Variants in DCHS1 observed in about 807,000 individuals in gnomAD.
DCHS1 encodes the protein protocadherin-16.
DCHS1 carries 78 observed loss-of-function variants against 213.9 expected under a neutral mutation model. The observed-to-expected ratio is 0.36, with a 90% CI of 0.30 to 0.44. The LOEUF (loss-of-function observed/expected upper bound fraction) is 0.44, where lower values mean the gene tolerates loss of function less well. DCHS1 is among the 20% of genes least tolerant of loss of function. The pLI, the probability that DCHS1 is intolerant of heterozygous loss-of-function variation, is 1.00. For synonymous variants in DCHS1, 1,828 were observed against 1,873.7 expected (o/e 0.98, Z 0.63); for missense variants, 3,946 against 4,395.9 (o/e 0.90, Z 2.89).
In DCHS1 at chr11:6,633,065, G is replaced by A. The variant is rs1297796396; in HGVS notation, c.2456-9C>T. On this transcript the variant is annotated splice_polypyrimidine_tract_variant and intron_variant, in intron 5 of 20. Transcript: ENST00000299441. ...CACAGGTGCCAAGCGACCTAGGGAG[G>A]ATGAAAAAGGGATCAGGAAAGAGAT... 6.3e-7 allele frequency: 1 copy of A among 1,580,444 alleles called. No individual in the cohort carries two copies. The highest frequency in any genetic ancestry group is 1.2e-5 in the South Asian group (1 of 86,160).
Position 6,641,340 on chromosome 11 carries a change from G to T in DCHS1, c.274C>A (p.Leu92Met), listed in dbSNP as rs1207716970. ...ACCCCACTGTGTTCGTCAATGGCCA[G>T]GTCTGTGCCCACGCCGCTGCCCTCT... is the stretch of plus-strand genomic sequence containing the variant. ...AQEGSGVGTD[L>M]AIDEHSGVVR... The change falls in exon 2 of 21, where the codon CTG (leucine) becomes ATG (methionine). Residue 92 changes from leucine to methionine, a missense_variant. Leu to Met is a conservative substitution (Grantham distance 15). This residue lies in a region of DCHS1 where 3,384 missense variants were observed against 3,780.1 expected (regional missense o/e 0.90). Coordinates refer to ENST00000299441, the MANE Select transcript of DCHS1 (RefSeq NM_003737.4). This position sits in a 1 kb window ranked among gnomAD's most constrained non-coding sequence, Gnocchi z 7.1. 1 of 1,613,650 alleles carries T rather than the reference G, an allele frequency of 6.2e-7. No homozygotes were observed. Among genetic ancestry groups the T allele is most frequent in the South Asian group, 1.1e-5 (1 of 91,088 alleles).
At chr11:6,653,393 C>T (rs1198654404) in intron 1 of DCHS1, among the ~76,000 whole-genome samples, 1 of 152,218 alleles carries the variant, frequency 6.6e-6, no homozygotes, top group African/African-American at 2.4e-5. Context: ...AACACTCACT[C>T]CACAGCCTGT....
chr11:6,641,640 G>C lies in DCHS1; in HGVS notation c.-27C>G. The C allele has an allele frequency of 6.6e-7, 1 of 1,514,888 alleles. No individual in the cohort carries two copies. Among genetic ancestry groups the C allele is most frequent in the Non-Finnish European group, 8.9e-7 (1 of 1,125,058 alleles). 93.8% of individuals were successfully genotyped at this position (1,514,888 alleles called of 1,614,324 possible). ...ACAAGGGTAGTCCAGCTGTGCCTTGGGCTCCAGCTCCAGGCCAGGCTCTGG... is the reference window on the plus strand; with the variant it reads ...ACAAGGGTAGTCCAGCTGTGCCTTGCGCTCCAGCTCCAGGCCAGGCTCTGG... On this transcript the variant is annotated 5_prime_UTR_variant, in exon 2 of 21. Transcript: ENST00000299441. This position sits in a 1 kb window ranked among gnomAD's most constrained non-coding sequence, Gnocchi z 7.1.
rs1085307456 is a variant in DCHS1 at position 6,624,195 on chromosome 11, T to A, written c.7481A>T (p.Asp2494Val). 2 of 1,613,336 alleles carry A rather than the reference T, an allele frequency of 1.2e-6. No homozygotes were observed. The highest frequency in any genetic ancestry group is 3.3e-5 in the Admixed American group (2 of 59,950). Reference sequence around the variant, plus strand: ...GAGCAGAGTGGAGCCAGGGGGCAGGTCTTCAGTCACAGCCACACGGTAGTG... The same window carrying A: ...GAGCAGAGTGGAGCCAGGGGGCAGGACTTCAGTCACAGCCACACGGTAGTG... Reference protein sequence around the residue: ...LSHYRVAVTEDLPPGSTLLTL... With the variant: ...LSHYRVAVTEVLPPGSTLLTL... Residue 2494 changes from aspartate to valine, a missense_variant, in exon 21 of 21, where the codon GAC becomes GTC. Asp to Val is a radical substitution (Grantham distance 152, BLOSUM62 -3). Around this residue, in one of 3 missense-constraint regions of DCHS1, gnomAD observed 3,384 missense variants for 3,780.1 expected, o/e 0.90. Coordinates refer to ENST00000299441, the MANE Select transcript of DCHS1 (RefSeq NM_003737.4).
At chr11:6,624,616 T>A in intron 20 of DCHS1, 114 bp downstream of exon 20, 4 of 1,496,502 alleles carry the variant, frequency 2.7e-6, no homozygotes, top group Non-Finnish European at 3.6e-6. Flanking sequence ...GGAAATGTCC[T>A]CCCTAGGCCA....
chr11:6,629,598 G>A (rs1367523666), intron 11 of DCHS1, 21 bp from the exon 12 acceptor site: 10 of 1,613,466 alleles, frequency 6.2e-6, no homozygotes, highest in Non-Finnish European at 8.5e-6. Flanking sequence ...GCAGCATGGA[G>A]GGCGATCAGA....
rs1036581185 is a variant in DCHS1 at position 6,632,289 on chromosome 11, C to G, written c.3223G>C (p.Val1075Leu). Residue 1075 changes from valine to leucine, a missense_variant, in exon 6 of 21, where the codon GTG becomes CTG. By Grantham distance (32) the Val-to-Leu change is conservative (BLOSUM62 1). Around this residue, in one of 3 missense-constraint regions of DCHS1, gnomAD observed 3,384 missense variants for 3,780.1 expected, o/e 0.90. Transcript: ENST00000299441. The surrounding 1 kb of genome is among the most constrained non-coding windows in gnomAD (Gnocchi z 5.9). ...QELYILKVMAVSGSKAELGQQ... is the reference protein window; with the variant it reads ...QELYILKVMALSGSKAELGQQ... Reference sequence around the variant, plus strand: ...CCCAACTCAGCTTTGGACCCAGACACTGCCATTACCTTCAGTATGTACAAT... The same window carrying G: ...CCCAACTCAGCTTTGGACCCAGACAGTGCCATTACCTTCAGTATGTACAAT... The G allele has an allele frequency of 6.8e-6, 11 of 1,613,832 alleles. No homozygotes were observed. In the South Asian group the frequency reaches 1.2e-4, roughly 18 times the overall value.
At position 6,631,632 on chromosome 11, in the gene DCHS1, C is replaced by T. The variant is rs766068704; in HGVS notation, c.3659G>A (p.Gly1220Glu). The change falls in exon 7 of 21, where the codon GGG becomes GAG. Residue 1220 changes from glycine to glutamate, a missense_variant. Physicochemically the swap from Gly to Glu is moderately conservative, Grantham distance 98. Transcript: ENST00000299441. ...TFLQASGAAG[G>E]GLPIQVPDRV... Reference sequence around the variant, plus strand: ...TTCACATACCTGTATAGGGAGGCCCCCACCAGCAGCTCCTGAAGCCTGCAG... The same window carrying T: ...TTCACATACCTGTATAGGGAGGCCCTCACCAGCAGCTCCTGAAGCCTGCAG... The T allele has an allele frequency of 6.3e-7, 1 of 1,580,240 alleles. No individual in the cohort carries two copies. Among genetic ancestry groups the T allele is most frequent in the Non-Finnish European group, 8.6e-7 (1 of 1,163,900 alleles).
chr11:6,623,186 G>C lies in DCHS1; in HGVS notation c.8490C>G (p.His2830Gln), dbSNP rs1855732109. ...FQVPEGARRG[H>Q]SLGHVQATDE... ...CTGTGGCCTGCACGTGACCCAAGCT[G>C]TGGCCACGCCGGGCACCTTCGGGCA... Residue 2830 changes from histidine to glutamine, a missense_variant, in exon 21 of 21, where the codon CAC becomes CAG. Transcript: ENST00000299441. The C allele has an allele frequency of 6.2e-7, 1 of 1,606,230 alleles. No individual in the cohort carries two copies.
rs1186115958 is a variant in DCHS1 at position 6,622,230 on chromosome 11, G to A, written c.9446C>T (p.Ala3149Val). Residue 3149 changes from alanine to valine, a missense_variant, in exon 21 of 21, where the codon GCC becomes GTC. Coordinates refer to ENST00000299441, the MANE Select transcript of DCHS1 (RefSeq NM_003737.4). This position sits in a 1 kb window ranked among gnomAD's most constrained non-coding sequence, Gnocchi z 5.4. ...GAGCTCCTCCTCGCCGGCCACAATGGCTGTCAGCGCACCTGCCACACATGG... is the reference window on the plus strand; with the variant it reads ...GAGCTCCTCCTCGCCGGCCACAATGACTGTCAGCGCACCTGCCACACATGG... ...GKPCVAGALT[A>V]IVAGEEELRG... 6.2e-7 allele frequency: 1 copy of A among 1,601,028 alleles called. No individual in the cohort carries two copies. The highest frequency in any genetic ancestry group is 8.5e-7 in the Non-Finnish European group (1 of 1,175,908).
At position 6,655,675 on chromosome 11, in the gene DCHS1, G is replaced by A. The variant is rs900130163; in HGVS notation, c.-233C>T. On this transcript the variant is annotated 5_prime_UTR_variant, in exon 1 of 21. Coordinates refer to ENST00000299441, the MANE Select transcript of DCHS1 (RefSeq NM_003737.4). ...CTGAGGCCGCGCATCGTCCGCAGTC[G>A]CTGTCTCCGAGGCCCGCGATCCCCT... 2.3e-4 allele frequency: 229 copies of A among 979,186 alleles called. 1 individual carries two copies. The African/African-American group carries it at 3.7e-3, about 16-fold the overall frequency. The allele number at this position is 979,186 out of a possible 1,614,324, so 60.7% of individuals were successfully genotyped here.
Position 6,621,424 on chromosome 11 carries a change from T to C in DCHS1, c.*355A>G, listed in dbSNP as rs2134604218. The C allele has an allele frequency of 2.5e-6, 1 of 392,238 alleles. No individual in the cohort carries two copies. 24.3% of individuals were successfully genotyped at this position (392,238 alleles called of 1,614,324 possible). A position where few individuals can be genotyped will look rare whatever the true frequency, so the allele number is the denominator to read the frequency against. On this transcript the variant is annotated 3_prime_UTR_variant, in exon 21 of 21. Coordinates refer to ENST00000299441, the MANE Select transcript of DCHS1 (RefSeq NM_003737.4). ...GGGTGTCAGTGGAACCCAAAGGAGCTGGGTCCAAACATGTTGGAGGGACCT... is the reference window on the plus strand; with the variant it reads ...GGGTGTCAGTGGAACCCAAAGGAGCCGGGTCCAAACATGTTGGAGGGACCT...
Position 6,626,177 on chromosome 11 carries a change from G to A in DCHS1, c.6568C>T (p.Leu2190=). The part of the protein sequence containing the change: ...LPESRPLEGP[L]LQVEADDLDQ... ...TCCATCACACCCCGCACCTGCAGCA[G>A]GGGCCCCTCCAAGGGCCGGGACTCA... Residue 2190 remains leucine, a synonymous_variant, in exon 16 of 21, where the codon CTG becomes TTG. Coordinates refer to ENST00000299441, the MANE Select transcript of DCHS1 (RefSeq NM_003737.4). The surrounding 1 kb of genome is among the most constrained non-coding windows in gnomAD (Gnocchi z 5.2). 3 of 1,606,672 alleles carry A rather than the reference G, an allele frequency of 1.9e-6. No individual in the cohort carries two copies. Among genetic ancestry groups the A allele is most frequent in the Non-Finnish European group, 2.5e-6 (3 of 1,176,658 alleles).
At position 6,626,065 on chromosome 11, in the gene DCHS1, C is replaced by T; in HGVS notation, c.6586G>A (p.Asp2196Asn). ...CCTCCAGAGCCTTGATCCAGGTCAT[C>T]CGCCTCCACCTGGTGAGGGTAGGAG... ...LEGPLLQVEADDLDQGSGGQI... is the reference protein window; with the variant it reads ...LEGPLLQVEANDLDQGSGGQI... The change falls in exon 17 of 21, where the codon GAT becomes AAT. Residue 2196 changes from aspartate (D) to asparagine (N), a missense_variant. Coordinates refer to ENST00000299441, the MANE Select transcript of DCHS1 (RefSeq NM_003737.4). The surrounding 1 kb of genome is among the most constrained non-coding windows in gnomAD (Gnocchi z 5.2). The T allele has an allele frequency of 2.5e-6, 4 of 1,610,212 alleles. No homozygotes were observed. The highest frequency in any genetic ancestry group is 3.4e-6 in the Non-Finnish European group (4 of 1,178,218).
Position 6,626,142 on chromosome 11 carries a change from G to A in DCHS1, c.6576+27C>T, listed in dbSNP as rs547715544. The A allele has an allele frequency of 3.7e-5, 59 of 1,594,920 alleles. No individual in the cohort carries two copies. In the Admixed American group the frequency reaches 4.6e-4, roughly 12 times the overall value. On this transcript the variant is annotated intron_variant, in intron 16 of 20. Coordinates refer to ENST00000299441, the MANE Select transcript of DCHS1 (RefSeq NM_003737.4). This position sits in a 1 kb window ranked among gnomAD's most constrained non-coding sequence, Gnocchi z 5.2. ...CAAGTCTGACTAGCCCTGCTCCCCC[G>A]CCCAATCTTTCCATCACACCCCGCA...
Position 6,621,632 on chromosome 11 carries a change from C to A in DCHS1, c.*147G>T, listed in dbSNP as rs762654594. The A allele has an allele frequency of 1.9e-5, 17 of 895,424 alleles. No individual in the cohort carries two copies. In the Admixed American group the frequency reaches 3.4e-4, roughly 18 times the overall value. The allele number at this position is 895,424 out of a possible 1,614,324, so 55.5% of individuals were successfully genotyped here. ...CTGTGGTCCTAGTACTCTGAGGGGGCTGGGGAGTTCAGGGTGGAGAGCTGG... is the reference window on the plus strand; with the variant it reads ...CTGTGGTCCTAGTACTCTGAGGGGGATGGGGAGTTCAGGGTGGAGAGCTGG... On this transcript the variant is annotated 3_prime_UTR_variant, in exon 21 of 21. Coordinates refer to ENST00000299441, the MANE Select transcript of DCHS1 (RefSeq NM_003737.4).
intron 4 of DCHS1, 62 bp downstream of exon 4, chr11:6,633,727 A>G (rs1387711736): frequency 6.3e-7 from 1 of 1,598,974 alleles, no homozygotes; most frequent in Non-Finnish European, 8.6e-7. Context: ...TGGGTAGGAC[A>G]TCATTTAGGC....
At chr11:6,633,286 G>A (rs1855941153) in intron 5 of DCHS1, 126 bp downstream of exon 5, 8 of 1,100,904 alleles carry the variant, frequency 7.3e-6, no homozygotes, top group African/African-American at 1.6e-5. Flanking sequence ...GTTGGGCATT[G>A]GTACAGGAGT....
rs748872000 is a variant in DCHS1 at position 6,631,419 on chromosome 11, C to G, written c.3676-12G>C. On this transcript the variant is annotated splice_polypyrimidine_tract_variant and intron_variant, in intron 7 of 20. Transcript: ENST00000299441. Reference sequence around the variant, plus strand: ...ACGCGGTCTGGTACCTGTGGGAACACAACTCACCTAGTGAGTCTCTTTCCT... The same window carrying G: ...ACGCGGTCTGGTACCTGTGGGAACAGAACTCACCTAGTGAGTCTCTTTCCT... 5 of 1,613,832 alleles carry G rather than the reference C, an allele frequency of 3.1e-6. No individual in the cohort carries two copies. The South Asian group carries it at 4.4e-5, about 14-fold the overall frequency.
Sources: allele counts gnomAD v4.1 joint callset (sites outside exome capture counted in the v4.1 genomes callset), GRCh38; gene constraint gnomAD v4.1.1; regional missense constraint gnomAD v4.1.1; non-coding constraint Gnocchi (gnomAD v3.1); transcripts MANE v1.5; gene names NCBI Gene and HGNC (gene_info 2026-07-23, HGNC 2026-07-21).